The following FKBP15 variants were observed in gnomAD, a reference collection of about 807,000 sequenced individuals.
FKBP15 encodes FKBP prolyl isomerase family member 15, also known as FK506-binding protein 15.
A neutral mutation model predicts 158.1 loss-of-function variants in FKBP15; 106 were observed. The ratio of observed to expected loss-of-function variants is 0.67; its 90% CI spans 0.57 to 0.79. The LOEUF (loss-of-function observed/expected upper bound fraction) is 0.79. FKBP15 is among the 30% of genes least tolerant of loss of function. The pLI, the probability that FKBP15 is intolerant of heterozygous loss-of-function variation, is 0.00. For missense variants in FKBP15, 1,287 were observed against 1,479.1 expected, an observed-to-expected ratio of 0.87 and a Z score of 2.13; for synonymous variants, 547 against 548.6, an observed-to-expected ratio of 1.00 and a Z score of 0.04.
At chr9:113,216,146 G>C (rs1831130134) in intron 1 of FKBP15, among the ~76,000 whole-genome samples, 1 of 144,790 alleles carries the variant, frequency 6.9e-6, no homozygotes, top group African/African-American at 2.6e-5. Context: ...AAAAAAGGGG[G>C]TATGCCCAGT....
At chr9:113,188,719 T>C (rs1488420637) in intron 12 of FKBP15, among the ~76,000 whole-genome samples, 1 of 152,142 alleles carries the variant, frequency 6.6e-6, no homozygotes, top group African/African-American at 2.4e-5. Flanking sequence ...AATAAGTAAA[T>C]ATAGTTAATT....
intron 4 of FKBP15, among the ~76,000 whole-genome samples, chr9:113,204,645 T>C (rs1830854739): frequency 1.3e-5 from 2 of 152,212 alleles, no homozygotes; most frequent in African/African-American, 4.8e-5. Flanking sequence ...ATCTTTGCCC[T>C]GGTCTCTTTC....
In FKBP15 at chr9:113,184,737, T is replaced by C; in HGVS notation, c.1566A>G (p.Ala522=). ...ARQHNTEIRM[A]VSKVADKMDH... ...CCATTTTATCAGCCACTTTGCTGAC[T>C]GCCATTCGAATTTCAGTGTTATGTT... is the stretch of plus-strand genomic sequence containing the variant. Residue 522 remains alanine (A), a synonymous_variant, in exon 16 of 28, where the codon GCA becomes GCG. Transcript: ENST00000238256. This position sits in a 1 kb window ranked among gnomAD's most constrained non-coding sequence, Gnocchi z 4.5. 1 of 1,609,348 alleles carries C rather than the reference T, an allele frequency of 6.2e-7. No homozygotes were observed.
At chr9:113,206,874 A>C in intron 3 of FKBP15, 2 of 434,134 alleles carry the variant, frequency 4.6e-6, no homozygotes, top group Non-Finnish European at 8.2e-6. Context: ...GCGCCACCGC[A>C]CCCGGCCCAG....
Position 113,219,289 on chromosome 9 carries a change from G to A in FKBP15, c.53+1902C>T, listed in dbSNP as rs1397507872. On this transcript the variant is annotated intron_variant, in intron 1 of 27. Coordinates refer to ENST00000238256, the MANE Select transcript of FKBP15 (RefSeq NM_015258.2). ...TCCTTCATGAAATCAAGCAAATCAT[G>A]TGTTTAAATCAAGAGACTTGGAACT... Among the ~76,000 whole-genome samples the A allele has an allele frequency of 2.6e-5, 4 of 152,170 alleles. No homozygotes were observed. In the East Asian group the frequency reaches 5.8e-4, roughly 22 times the overall value.
Position 113,184,324 on chromosome 9 carries a change from T to C in FKBP15, c.1684A>G (p.Met562Val). The change falls in exon 17 of 28, where the codon ATG (methionine) becomes GTG (valine). Residue 562 changes from methionine to valine, a missense_variant. Coordinates refer to ENST00000238256, the MANE Select transcript of FKBP15 (RefSeq NM_015258.2). This position sits in a 1 kb window ranked among gnomAD's most constrained non-coding sequence, Gnocchi z 4.5. ...ATTCGCTGGATGTTGCTCATAATCA[T>C]GCTTGTTTCCATTGTAACTGACATG... Reference protein sequence around the residue: ...PSMSVTMETSMIMSNIQRIIQ... With the variant: ...PSMSVTMETSVIMSNIQRIIQ... The C allele has an allele frequency of 6.2e-7, 1 of 1,604,968 alleles. No individual in the cohort carries two copies. The highest frequency in any genetic ancestry group is 8.5e-7 in the Non-Finnish European group (1 of 1,175,280).
At chr9:113,190,298 A>C (rs931634989) in intron 12 of FKBP15, among the ~76,000 whole-genome samples, 173 bp downstream of exon 12, 1 of 152,238 alleles carries the variant, frequency 6.6e-6, no homozygotes, top group Admixed American at 6.5e-5. Context: ...TCTCTCAGGG[A>C]AGTACTAATC....
At chr9:113,201,214 G>C (rs925461847) in intron 6 of FKBP15, among the ~76,000 whole-genome samples, 3 of 151,684 alleles carry the variant, frequency 2.0e-5, no homozygotes, top group Non-Finnish European at 4.4e-5. Context: ...CAATCTCTCT[G>C]AAAAGCAGTG....
chr9:113,161,475 G>A lies in FKBP15; in HGVS notation c.*4603C>T. On this transcript the variant is annotated 3_prime_UTR_variant, in exon 28 of 28. Coordinates refer to ENST00000238256, the MANE Select transcript of FKBP15 (RefSeq NM_015258.2). Reference sequence around the variant, plus strand: ...GCTGGAAGGGAAACAGTGCTGGCCTGGCCAGGTCTCCACAACTCTGCCTCC... The same window carrying A: ...GCTGGAAGGGAAACAGTGCTGGCCTAGCCAGGTCTCCACAACTCTGCCTCC... 6.2e-7 allele frequency: 1 copy of A among 1,606,506 alleles called. No individual in the cohort carries two copies. The highest frequency in any genetic ancestry group is 8.5e-7 in the Non-Finnish European group (1 of 1,174,120).
At chr9:113,171,434 A>G in intron 24 of FKBP15, 147 bp downstream of exon 24, 3 of 1,107,538 alleles carry the variant, frequency 2.7e-6, no homozygotes, top group Non-Finnish European at 3.7e-6. Flanking sequence ...CAAACAAACA[A>G]ACACCAAATC....
Position 113,165,350 on chromosome 9 carries a change from T to C in FKBP15, c.*728A>G, listed in dbSNP as rs1320923377. On this transcript the variant is annotated 3_prime_UTR_variant, in exon 28 of 28. Transcript: ENST00000238256. ...GATGAGCTAGGACTACAGTGGTGAC[T>C]TTCTTTGAAAGCCTAAAAGTTCCAG... The C allele has an allele frequency of 2.6e-5, 4 of 152,236 alleles. No homozygotes were observed. The highest frequency in any genetic ancestry group is 2.1e-4 in the South Asian group (1 of 4,824). The allele number at this position is 152,236 out of a possible 1,614,324, so 9.4% of individuals were successfully genotyped here.
intron 3 of FKBP15, chr9:113,206,921 C>T: frequency 2.4e-6 from 1 of 415,186 alleles, no homozygotes; most frequent in Non-Finnish European, 4.3e-6. Flanking sequence ...TATTCCCTTA[C>T]TCTTTAAATA....
At position 113,169,304 on chromosome 9, in the gene FKBP15, G is replaced by T. The variant is rs1214045936; in HGVS notation, c.3405C>A (p.His1135Gln). 2 of 1,614,068 alleles carry T rather than the reference G, an allele frequency of 1.2e-6. No individual in the cohort carries two copies. Among genetic ancestry groups the T allele is most frequent in the East Asian group, 4.5e-5 (2 of 44,886 alleles). Residue 1135 changes from histidine (H) to glutamine (Q), a missense_variant, in exon 26 of 28, where the codon CAC (histidine) becomes CAA (glutamine). By Grantham distance (24) the His-to-Gln change is conservative. Transcript: ENST00000238256. ...KDDVTSSTGP[H>Q]KELSSTEAGS... ...CTGCCTCTGTGCTTGACAGCTCCTTGTGGGGACCGGTGGAGCTAGTGACAT... is the reference window on the plus strand; with the variant it reads ...CTGCCTCTGTGCTTGACAGCTCCTTTTGGGGACCGGTGGAGCTAGTGACAT...
chr9:113,190,486 A>G lies in FKBP15; in HGVS notation c.1158T>C (p.Asn386=). The G allele has an allele frequency of 6.2e-7, 1 of 1,610,676 alleles. No homozygotes were observed. The highest frequency in any genetic ancestry group is 8.5e-7 in the Non-Finnish European group (1 of 1,178,372). Residue 386 remains asparagine (N), a synonymous_variant, in exon 12 of 28, where the codon AAT becomes AAC. Transcript: ENST00000238256. ...GGGGACATACTTCGATTTCTGAATC[A>G]TTGGAATCCAGCTGTGGTGGAAGGA... ...LPILPPQLDS[N]DSEIEDVNTL...
chr9:113,217,560 G>A (rs1831164831), intron 1 of FKBP15, among the ~76,000 whole-genome samples: 1 of 152,142 alleles, frequency 6.6e-6, no homozygotes, highest in African/African-American at 2.4e-5. Flanking sequence ...TGGGAGATAA[G>A]TTACTTGTAA....
intron 7 of FKBP15, 138 bp from the exon 8 acceptor site, chr9:113,199,061 G>C: frequency 1.6e-6 from 1 of 614,330 alleles, no homozygotes; most frequent in African/African-American, 1.9e-5. Context: ...AGTTTCTAAA[G>C]GACCTGAAAT....
Position 113,161,657 on chromosome 9 carries a change from T to C in FKBP15, c.*4421A>G. 6.2e-7 allele frequency: 1 copy of C among 1,614,000 alleles called. No homozygotes were observed. Among genetic ancestry groups the C allele is most frequent in the Non-Finnish European group, 8.5e-7 (1 of 1,179,888 alleles). ...CCATCGCAGAGACAGACGGGGACTC[T>C]GCAGGCTCAGATTCATTCCCTGTTG... On this transcript the variant is annotated 3_prime_UTR_variant, in exon 28 of 28. Coordinates refer to ENST00000238256, the MANE Select transcript of FKBP15 (RefSeq NM_015258.2).
chr9:113,161,864 GTC>G lies in FKBP15; in HGVS notation c.*4212_*4213del. The G allele has an allele frequency of 1.3e-6, 1 of 754,230 alleles. No individual in the cohort carries two copies. The highest frequency in any genetic ancestry group is 2.3e-6 in the Non-Finnish European group (1 of 434,334). 46.7% of individuals were successfully genotyped at this position (754,230 alleles called of 1,614,324 possible). A position where few individuals can be genotyped will look rare whatever the true frequency, so the allele number is the denominator to read the frequency against. The stretch of plus-strand genomic sequence containing the variant: ...CATAGCCAAGTGAACTAGAGCTCAT[GTC>G]TCCTGATGCCCAGGCCAAAGCACTC... On this transcript the variant is annotated 3_prime_UTR_variant, in exon 28 of 28. Transcript: ENST00000238256.
At chr9:113,213,302 G>GGGAGGCTGAGGCA (rs1481371462) in intron 1 of FKBP15, among the ~76,000 whole-genome samples, 2 of 152,004 alleles carry the variant, frequency 1.3e-5, no homozygotes, top group Non-Finnish European at 2.9e-5. Flanking sequence ...CCAGCTACTC[G>GGGAGGCTGAGGCA]GGAGGCTGAG....
Sources: gnomAD v4.1 joint callset for allele counts (sites outside exome capture counted in the v4.1 genomes callset) on GRCh38, gnomAD v4.1.1 for gene constraint, Gnocchi (gnomAD v3.1) non-coding constraint, MANE v1.5 for transcripts, NCBI Gene and HGNC (gene_info 2026-07-23, HGNC 2026-07-21) for gene names.